Variants in RARB observed in about 807,000 individuals in gnomAD.
The protein encoded by RARB is retinoic acid receptor beta.
In RARB, 17 loss-of-function variants were observed where a neutral mutation model predicts 51.9. The ratio of observed to expected loss-of-function variants is 0.33; its 90% CI spans 0.22 to 0.49. The LOEUF (loss-of-function observed/expected upper bound fraction) is 0.49. RARB is among the 20% of genes least tolerant of loss of function. The probability of loss-of-function intolerance (pLI) is 0.99; values close to 1 mark genes in which losing one functional copy is unlikely to be tolerated. For synonymous variants in RARB, 215 were observed against 195.4 expected, an observed-to-expected ratio of 1.10 and a Z score of -0.84; for missense variants, 369 against 550.8, an observed-to-expected ratio of 0.67 and a Z score of 3.30.
intron 3 of RARB, among the ~76,000 whole-genome samples, chr3:25,561,231 G>A (rs1000210039): frequency 6.6e-6 from 1 of 152,106 alleles, no homozygotes; most frequent in Non-Finnish European, 1.5e-5. Context: ...GATGTGGGTG[G>A]GATCTTTGAG....
intron 5 of RARB, among the ~76,000 whole-genome samples, chr3:25,232,870 T>C (rs1025995720): frequency 6.6e-6 from 1 of 152,122 alleles, no homozygotes; most frequent in Non-Finnish European, 1.5e-5. Context: ...GATGATTGTG[T>C]CCAGTTGTAA....
chr3:25,171,367 A>G (rs570194182), intron 4 of RARB, among the ~76,000 whole-genome samples: 1 of 150,074 alleles, frequency 6.7e-6, no homozygotes, highest in East Asian at 2.0e-4. Flanking sequence ...TCAGTCACAT[A>G]TGTGAACATA....
chr3:25,569,362 T>A (rs567207003), intron 3 of RARB, among the ~76,000 whole-genome samples: 6 of 152,316 alleles, frequency 3.9e-5, no homozygotes, highest in African/African-American at 1.4e-4. Context: ...GTAACGGGGC[T>A]TTGTTCAGAG....
At chr3:24,923,212 A>T (rs1695254494) in intron 2 of RARB, among the ~76,000 whole-genome samples, 1 of 152,158 alleles carries the variant, frequency 6.6e-6, no homozygotes, top group Admixed American at 6.5e-5. Flanking sequence ...ATATAGTTTA[A>T]TTCTAGCAAT....
intron 2 of RARB, among the ~76,000 whole-genome samples, chr3:25,053,007 T>C (rs891443191): frequency 6.6e-6 from 1 of 152,208 alleles, no homozygotes; most frequent in Non-Finnish European, 1.5e-5. Context: ...GTTTATAGTT[T>C]GGAGCATTCC....
At chr3:25,064,990 G>A (rs767001357) in intron 3 of RARB, among the ~76,000 whole-genome samples, 3 of 152,124 alleles carry the variant, frequency 2.0e-5, no homozygotes, top group South Asian at 2.1e-4. Flanking sequence ...CAAGGAGTTC[G>A]TGCATAGGAG....
chr3:25,203,908 T>TG (rs1701461128), intron 5 of RARB, among the ~76,000 whole-genome samples: 1 of 152,228 alleles, frequency 6.6e-6, no homozygotes, highest in African/African-American at 2.4e-5. Context: ...TTATGTGTCT[T>TG]GGAGTTGCTC....
At chr3:25,423,447 T>G (rs1337538741), upstream of RARB, among the ~76,000 whole-genome samples, 1 of 152,230 alleles carries the variant, frequency 6.6e-6, no homozygotes, top group Non-Finnish European at 1.5e-5. Flanking sequence ...TATTGCTAAA[T>G]TTAAAAGTGT....
chr3:24,880,043 T>C (rs893029577), intron 2 of RARB, among the ~76,000 whole-genome samples: 1 of 152,052 alleles, frequency 6.6e-6, no homozygotes, highest in African/African-American at 2.4e-5. Flanking sequence ...TCCCCTTAGC[T>C]CTACGTTCCT....
rs188825298 is a variant in RARB at position 25,517,720 on chromosome 3, T to G, written c.448+16397T>G. Reference sequence around the variant, plus strand: ...ATGCTCATAGAAGCATTATTCATAATAGCAAAAAGCTGAAACACCCAAATA... The same window carrying G: ...ATGCTCATAGAAGCATTATTCATAAGAGCAAAAAGCTGAAACACCCAAATA... On this transcript the variant is annotated intron_variant, in intron 3 of 7. Coordinates refer to ENST00000330688, the MANE Select transcript of RARB (RefSeq NM_000965.5). 2.6e-5 allele frequency among the ~76,000 whole-genome samples: 4 copies of G among 152,310 alleles called. No homozygotes were observed. In the East Asian group the frequency reaches 7.7e-4, roughly 29 times the overall value.
At chr3:25,446,934 T>C (rs1301021235) in intron 1 of RARB, among the ~76,000 whole-genome samples, 2 of 152,054 alleles carry the variant, frequency 1.3e-5, no homozygotes, top group African/African-American at 2.4e-5. Flanking sequence ...TTTCAGTTCA[T>C]TTCCTAACTG....
At chr3:25,281,607 A>G (rs1017864387) in intron 5 of RARB, among the ~76,000 whole-genome samples, 1 of 152,236 alleles carries the variant, frequency 6.6e-6, no homozygotes, top group African/African-American at 2.4e-5. Flanking sequence ...TGGGCTAACA[A>G]TAGCAGATTA....
At chr3:25,561,339 G>A (rs1016937646) in intron 3 of RARB, among the ~76,000 whole-genome samples, 10 of 152,152 alleles carry the variant, frequency 6.6e-5, no homozygotes, top group Non-Finnish European at 1.5e-4. Context: ...ATTTGGGCAC[G>A]TGTTACTGTT....
chr3:25,440,919 C>T (rs1203240779), intron 1 of RARB, among the ~76,000 whole-genome samples: 1 of 152,154 alleles, frequency 6.6e-6, no homozygotes, highest in African/African-American at 2.4e-5. Flanking sequence ...TACATCCCCA[C>T]ATTTATATTA....
intron 3 of RARB, among the ~76,000 whole-genome samples, chr3:25,079,837 G>T (rs545318787): frequency 1.3e-5 from 2 of 152,116 alleles, no homozygotes; most frequent in East Asian, 3.9e-4. Context: ...AATTTTTCTT[G>T]TAAGCTTCTT....
rs1359406811 is a variant in RARB at position 25,193,904 on chromosome 3, A to G, written c.178+19329A>G. 1.1e-4 allele frequency among the ~76,000 whole-genome samples: 5 copies of G among 43,596 alleles called. No homozygotes were observed. The East Asian group carries it at 0.014, about 123-fold the overall frequency. 28.6% of individuals were successfully genotyped at this position (43,596 alleles called of 152,430 possible). A position where few individuals can be genotyped will look rare whatever the true frequency, so the allele number is the denominator to read the frequency against. ...ATAAATATTCAAAATTGTATATGTA[A>G]TTAATCAGTTAGTAAGATGATTATT... is the stretch of plus-strand genomic sequence containing the variant. On this transcript the variant is annotated intron_variant, in intron 5 of 11. Coordinates refer to the RARB transcript ENST00000383772.
At chr3:24,998,028 G>C in intron 2 of RARB, among the ~76,000 whole-genome samples, 1 of 152,058 alleles carries the variant, frequency 6.6e-6, no homozygotes, top group East Asian at 1.9e-4. Flanking sequence ...GTCCAACTCA[G>C]TGTAGTTACC....
intron 5 of RARB, among the ~76,000 whole-genome samples, chr3:25,331,306 A>G (rs893206515): frequency 6.6e-6 from 1 of 152,266 alleles, no homozygotes; most frequent in Non-Finnish European, 1.5e-5. Context: ...ATAAAAGAAC[A>G]GAAATTATAA....
intron 2 of RARB, among the ~76,000 whole-genome samples, chr3:24,947,619 C>T (rs149007277): frequency 3.3e-5 from 5 of 152,296 alleles, no homozygotes; most frequent in African/African-American, 1.2e-4. Flanking sequence ...AGATGACCTT[C>T]AGTGACAGTG....
Sources: allele counts gnomAD v4.1 joint callset (sites outside exome capture counted in the v4.1 genomes callset), GRCh38; gene constraint gnomAD v4.1.1; transcripts MANE v1.5; gene names NCBI Gene and HGNC (gene_info 2026-07-23, HGNC 2026-07-21).